Variants in LZTFL1 observed in about 807,000 individuals in gnomAD.
LZTFL1 encodes the protein leucine zipper transcription factor-like protein 1.
In LZTFL1, 25 loss-of-function variants were observed where a neutral mutation model predicts 45.9. That is an observed-to-expected ratio of 0.54 (90% CI 0.40 to 0.76). The LOEUF is 0.76. Ranked by LOEUF, LZTFL1 falls within the 30% of genes least tolerant of loss-of-function variation. The pLI is 0.00. For synonymous variants in LZTFL1, 93 were observed against 117.4 expected, an observed-to-expected ratio of 0.79 and a Z score of 1.35; for missense variants, 277 against 331.1, an observed-to-expected ratio of 0.84 and a Z score of 1.27.
intron 2 of LZTFL1, chr3:45,883,778 A>G (rs555662782): frequency 5.6e-4 from 314 of 564,548 alleles, no homozygotes; most frequent in Middle Eastern, 4.8e-3. Context: ...GAACACAGTC[A>G]GGAACAACTT....
chr3:45,897,523 G>T, intron 2 of LZTFL1: 1 of 1,409,154 alleles, frequency 7.1e-7, no homozygotes, highest in South Asian at 1.2e-5. Flanking sequence ...CCCAGGTCCT[G>T]GGATTTCTGC....
intron 2 of LZTFL1, among the ~76,000 whole-genome samples, 174 bp from the exon 3 acceptor site, chr3:45,835,958 A>G (rs1700956471): frequency 6.6e-6 from 1 of 152,220 alleles, no homozygotes; most frequent in South Asian, 2.1e-4. Context: ...TTTAAACTCA[A>G]TTAATTTTTG....
chr3:45,912,369 T>A (rs747582326), intron 2 of LZTFL1, among the ~76,000 whole-genome samples: 1 of 152,242 alleles, frequency 6.6e-6, no homozygotes, highest in Non-Finnish European at 1.5e-5. Context: ...GTGCCCTTTA[T>A]AAAGTGACTT....
In LZTFL1 at chr3:45,835,633, A is replaced by C. The variant is rs770495621; in HGVS notation, c.280T>G (p.Trp94Gly). 6.2e-7 allele frequency: 1 copy of C among 1,614,150 alleles called. No individual in the cohort carries two copies. Among genetic ancestry groups the C allele is most frequent in the South Asian group, 1.1e-5 (1 of 91,080 alleles). ...ATGTCTGTCTGTAGCTTAAGATACC[A>C]CTTCTCAGCTTGTGCAAACAGCTGT... ...LRQLFAQAEK[W>G]YLKLQTDISE... is the part of the protein sequence containing the mutation. The change falls in exon 3 of 10, where the codon TGG becomes GGG. Residue 94 changes from tryptophan to glycine, a missense_variant. Transcript: ENST00000296135.
intron 2 of LZTFL1, among the ~76,000 whole-genome samples, chr3:45,888,774 ATATT>A (rs1171437814): frequency 4.6e-5 from 7 of 152,216 alleles, no homozygotes; most frequent in Admixed American, 2.6e-4. Context: ...GGAGAATAAA[ATATT>A]TGAGAAGTAT....
At chr3:45,894,862 C>A (rs201704049) in intron 2 of LZTFL1, 2 of 1,410,628 alleles carry the variant, frequency 1.4e-6, no homozygotes, top group Non-Finnish European at 2.0e-6. Flanking sequence ...TGTTACTATT[C>A]GTTTACAAGC....
chr3:45,895,769 T>A lies in LZTFL1; in HGVS notation c.-215+17351A>T, dbSNP rs183776509. Among the ~76,000 whole-genome samples, 183 of 152,316 alleles carry A rather than the reference T, an allele frequency of 1.2e-3. 2 individuals carry two copies. Among genetic ancestry groups the A allele is most frequent in the Middle Eastern group, 3.4e-3 (1 of 294 alleles). On this transcript the variant is annotated intron_variant, in intron 2 of 4. Coordinates refer to the LZTFL1 transcript ENST00000472635. ...TCATAATCCAGAGAATCTTTTTTTCTTTTACAGCCGAATGTAATTAAGTGT... is the reference window on the plus strand; with the variant it reads ...TCATAATCCAGAGAATCTTTTTTTCATTTACAGCCGAATGTAATTAAGTGT...
At position 45,879,267 on chromosome 3, in the gene LZTFL1, C is replaced by T. The variant is rs146353524; in HGVS notation, c.-214-20251G>A. On this transcript the variant is annotated intron_variant, in intron 2 of 4. Coordinates refer to the LZTFL1 transcript ENST00000472635. Reference sequence around the variant, plus strand: ...ACCTGGAAGGAACCAAGATGTCCTTCAGCAGGTGAATGGATAAATAAACTG... The same window carrying T: ...ACCTGGAAGGAACCAAGATGTCCTTTAGCAGGTGAATGGATAAATAAACTG... Among the ~76,000 whole-genome samples, 1,405 of 152,306 alleles carry T rather than the reference C, an allele frequency of 9.2e-3. 26 individuals carry two copies. Among genetic ancestry groups the T allele is most frequent in the African/African-American group, 0.032 (1,329 of 41,568 alleles).
At chr3:45,873,792 T>A (rs993996117) in intron 2 of LZTFL1, among the ~76,000 whole-genome samples, 1 of 152,266 alleles carries the variant, frequency 6.6e-6, no homozygotes, top group East Asian at 1.9e-4. Context: ...CCACAAGCTG[T>A]TCACTCCTTC....
At chr3:45,874,407 T>C (rs1480041944) in intron 2 of LZTFL1, among the ~76,000 whole-genome samples, 1 of 152,210 alleles carries the variant, frequency 6.6e-6, no homozygotes, top group East Asian at 1.9e-4. Context: ...GTGCAGGATG[T>C]GGACATTTTG....
In LZTFL1 at chr3:45,831,818, C is replaced by G. The variant is rs1053896926; in HGVS notation, c.457-680G>C. Among the ~76,000 whole-genome samples, 4 of 152,210 alleles carry G rather than the reference C, an allele frequency of 2.6e-5. No individual in the cohort carries two copies. The East Asian group carries it at 7.7e-4, about 29-fold the overall frequency. ...GTACCCCTTTACCCAAGAGCCTGTT[C>G]TCACCTACTGTTATCCACACACAAC... On this transcript the variant is annotated intron_variant, in intron 5 of 9. Transcript: ENST00000296135.
rs138727962 is a variant in LZTFL1 at position 45,860,105 on chromosome 3, G to A, written c.-214-1089C>T. Reference sequence around the variant, plus strand: ...GTAGATTTTAAAATGTATACTTCTTGGGAGGCTGAGGTGGGAGGATGGTTT... The same window carrying A: ...GTAGATTTTAAAATGTATACTTCTTAGGAGGCTGAGGTGGGAGGATGGTTT... On this transcript the variant is annotated intron_variant, in intron 2 of 4. Coordinates refer to the LZTFL1 transcript ENST00000472635. Among the ~76,000 whole-genome samples, 104 of 152,212 alleles carry A rather than the reference G, an allele frequency of 6.8e-4. 1 individual carries two copies. In the East Asian group the frequency reaches 0.014, roughly 21 times the overall value.
At chr3:45,898,395 C>T (rs1446270041) in intron 2 of LZTFL1, among the ~76,000 whole-genome samples, 1 of 152,212 alleles carries the variant, frequency 6.6e-6, no homozygotes, top group African/African-American at 2.4e-5. Context: ...AGGGCCAATG[C>T]TAGAAGAAAC....
chr3:45,866,859 T>C (rs1379438710), intron 2 of LZTFL1, among the ~76,000 whole-genome samples: 1 of 152,180 alleles, frequency 6.6e-6, no homozygotes, highest in Non-Finnish European at 1.5e-5. Flanking sequence ...AAAAATAAGA[T>C]AGTTGCGGCC....
chr3:45,900,754 G>A lies in LZTFL1; in HGVS notation c.-215+12366C>T. 13 of 1,554,392 alleles carry A rather than the reference G, an allele frequency of 8.4e-6. No homozygotes were observed. Among genetic ancestry groups the A allele is most frequent in the Non-Finnish European group, 1.1e-5 (13 of 1,149,894 alleles). On this transcript the variant is annotated intron_variant, in intron 2 of 4. Transcript: ENST00000472635. The surrounding 1 kb of genome is among the most constrained non-coding windows in gnomAD (Gnocchi z 4.7). The stretch of plus-strand genomic sequence containing the variant: ...CAAGAGGTCCATGCCTCTGCCATCA[G>A]ACAGGACCTTCAAAATATTTTCCTT...
chr3:45,840,831 T>C (rs1701089480), intron 1 of LZTFL1, among the ~76,000 whole-genome samples: 1 of 152,218 alleles, frequency 6.6e-6, no homozygotes, highest in South Asian at 2.1e-4. Context: ...AGGAGGAAAC[T>C]GTAATGATAA....
intron 3 of LZTFL1, among the ~76,000 whole-genome samples, chr3:45,856,730 T>C (rs1475070251): frequency 6.6e-6 from 1 of 152,022 alleles, no homozygotes; most frequent in South Asian, 2.1e-4. Flanking sequence ...AACAGACACG[T>C]CTCAAAAGAA....
At chr3:45,895,664 A>G (rs1257837316) in intron 2 of LZTFL1, among the ~76,000 whole-genome samples, 1 of 152,154 alleles carries the variant, frequency 6.6e-6, no homozygotes, top group African/African-American at 2.4e-5. Context: ...CAGTGAGCCA[A>G]GATCACGCCA....
At chr3:45,831,159 T>G in intron 5 of LZTFL1, 21 bp from the exon 6 acceptor site, 1 of 1,331,100 alleles carries the variant, frequency 7.5e-7, no homozygotes, top group Non-Finnish European at 1.0e-6. Context: ...AAATTCAAAT[T>G]TTATTATATT....
Sources: gnomAD v4.1 joint callset for allele counts (sites outside exome capture counted in the v4.1 genomes callset) on GRCh38, gnomAD v4.1.1 for gene constraint, Gnocchi (gnomAD v3.1) non-coding constraint, MANE v1.5 for transcripts, NCBI Gene and HGNC (gene_info 2026-07-23, HGNC 2026-07-21) for gene names.